The following VWA3B variants were observed in gnomAD, a reference collection of about 807,000 sequenced individuals.
VWA3B encodes von Willebrand factor A domain containing 3B.
In VWA3B, 138 loss-of-function variants were observed where a neutral mutation model predicts 158.3. The ratio of observed to expected loss-of-function variants is 0.87; its 90% CI spans 0.76 to 1.00. The LOEUF (loss-of-function observed/expected upper bound fraction) is 1.00. VWA3B is among the 50% of genes least tolerant of loss of function. The pLI, the probability that VWA3B is intolerant of heterozygous loss-of-function variation, is 0.00. For missense variants in VWA3B, 1,555 were observed against 1,565.1 expected, an observed-to-expected ratio of 0.99 and a Z score of 0.11; for synonymous variants, 596 against 587.3, an observed-to-expected ratio of 1.01 and a Z score of -0.21.
At chr2:98,088,051 C>T (rs1278599877) in intron 1 of VWA3B, among the ~76,000 whole-genome samples, 1 of 152,134 alleles carries the variant, frequency 6.6e-6, no homozygotes, top group Non-Finnish European at 1.5e-5. Flanking sequence ...ATGATCACAG[C>T]CAAGCCTTGT....
At position 98,275,032 on chromosome 2, in the gene VWA3B, C is replaced by T. The variant is rs148920247; in HGVS notation, c.3045+4149C>T. Among the ~76,000 whole-genome samples, 156 of 152,330 alleles carry T rather than the reference C, an allele frequency of 1.0e-3. No homozygotes were observed. The Middle Eastern group carries it at 0.02, about 20-fold the overall frequency. On this transcript the variant is annotated intron_variant, in intron 22 of 27. Coordinates refer to ENST00000477737, the MANE Select transcript of VWA3B (RefSeq NM_144992.5). ...ATCCCATCACATGTCATCCTCTAACCGTCTGCCACGTGTTTGTTTATTTTG... is the reference window on the plus strand; with the variant it reads ...ATCCCATCACATGTCATCCTCTAACTGTCTGCCACGTGTTTGTTTATTTTG...
downstream of VWA3B, among the ~76,000 whole-genome samples, chr2:98,317,388 C>T (rs959330077): frequency 3.3e-5 from 5 of 152,144 alleles, no homozygotes; most frequent in South Asian, 2.1e-4. Flanking sequence ...TAAAGTTTAA[C>T]GTGAAAGACT....
chr2:98,290,736 A>C (rs1045228576), intron 23 of VWA3B, 114 bp downstream of exon 23: 2 of 733,780 alleles, frequency 2.7e-6, no homozygotes. Flanking sequence ...AGCTGGCCTG[A>C]GCTAGTCCAC....
At chr2:98,188,768 G>C (rs985840308) in intron 10 of VWA3B, among the ~76,000 whole-genome samples, 3 of 152,172 alleles carry the variant, frequency 2.0e-5, no homozygotes, top group Non-Finnish European at 4.4e-5. Context: ...GTTAAGTCAA[G>C]GTTGCCATCT....
At chr2:98,134,962 A>G (rs1676147584) in intron 7 of VWA3B, among the ~76,000 whole-genome samples, 1 of 152,070 alleles carries the variant, frequency 6.6e-6, no homozygotes, top group Non-Finnish European at 1.5e-5. Context: ...GCACTACTTC[A>G]CGTAATGGAA....
intron 13 of VWA3B, among the ~76,000 whole-genome samples, chr2:98,215,449 A>C (rs1176545255): frequency 1.3e-5 from 2 of 148,468 alleles, no homozygotes; most frequent in Non-Finnish European, 2.9e-5. Context: ...TAAAAAAAAA[A>C]ACAAAAAACA....
chr2:98,135,976 G>A (rs936483170), intron 7 of VWA3B, among the ~76,000 whole-genome samples: 2 of 151,962 alleles, frequency 1.3e-5, no homozygotes, highest in African/African-American at 2.4e-5. Context: ...CCACCCTCTC[G>A]TTTGGTGGGG....
chr2:98,189,694 T>C (rs750740323), intron 10 of VWA3B, among the ~76,000 whole-genome samples: 2 of 152,316 alleles, frequency 1.3e-5, no homozygotes, highest in African/African-American at 4.8e-5. Flanking sequence ...CTGTAGTCTT[T>C]AATTCTCATT....
chr2:98,154,852 C>T (rs1003247499), intron 7 of VWA3B, among the ~76,000 whole-genome samples: 3 of 152,150 alleles, frequency 2.0e-5, no homozygotes, highest in African/African-American at 4.8e-5. Flanking sequence ...GTGACAGATC[C>T]GTTTCACATT....
chr2:98,110,462 T>C (rs1157117758), intron 2 of VWA3B, among the ~76,000 whole-genome samples: 2 of 152,238 alleles, frequency 1.3e-5, no homozygotes, highest in Non-Finnish European at 2.9e-5. Flanking sequence ...TGCTTTAAAA[T>C]CCTTGTTAGG....
intron 23 of VWA3B, among the ~76,000 whole-genome samples, chr2:98,295,769 T>C (rs1303468580): frequency 6.6e-6 from 1 of 152,178 alleles, no homozygotes; most frequent in African/African-American, 2.4e-5. Context: ...AGCCAAAAAT[T>C]GGAGCTGATC....
At chr2:98,322,564 G>A in the VWA3B span, among the ~76,000 whole-genome samples, 3 of 152,184 alleles carry the variant, frequency 2.0e-5, no homozygotes, top group Non-Finnish European at 2.9e-5. Flanking sequence ...AACTAGAGAG[G>A]AATCTACTGT....
Position 98,238,503 on chromosome 2 carries a change from T to C in VWA3B, c.2673+1773T>C, listed in dbSNP as rs192228825. ...ATATTTAGTGAACTCTACTTAGAAA[T>C]AGAATTTTCTTGGGCTTATTATGCC... On this transcript the variant is annotated intron_variant, in intron 19 of 27. Coordinates refer to ENST00000477737, the MANE Select transcript of VWA3B (RefSeq NM_144992.5). Among the ~76,000 whole-genome samples, 4 of 152,234 alleles carry C rather than the reference T, an allele frequency of 2.6e-5. No homozygotes were observed. In the East Asian group the frequency reaches 5.8e-4, roughly 22 times the overall value.
intron 16 of VWA3B, among the ~76,000 whole-genome samples, chr2:98,233,821 C>G (rs1361593672): frequency 6.6e-6 from 1 of 152,130 alleles, no homozygotes; most frequent in Non-Finnish European, 1.5e-5. Context: ...TGACATAAAG[C>G]CTTGGAACTA....
chr2:98,219,865 T>A (rs544510179), intron 14 of VWA3B, among the ~76,000 whole-genome samples: 9 of 152,198 alleles, frequency 5.9e-5, no homozygotes, highest in African/African-American at 1.9e-4. Flanking sequence ...ATAGACTTTT[T>A]AAGATATATA....
At chr2:98,185,434 G>A (rs1489213099) in intron 9 of VWA3B, among the ~76,000 whole-genome samples, 1 of 152,190 alleles carries the variant, frequency 6.6e-6, no homozygotes, top group Non-Finnish European at 1.5e-5. Context: ...GGCAGAAACT[G>A]GAGAAAAACA....
At chr2:98,141,311 C>T (rs1381979292) in intron 7 of VWA3B, among the ~76,000 whole-genome samples, 1 of 152,196 alleles carries the variant, frequency 6.6e-6, no homozygotes, top group Non-Finnish European at 1.5e-5. Context: ...TTATTAGGCT[C>T]AGCGTTCTGC....
chr2:98,297,827 A>G, intron 23 of VWA3B, 80 bp from the exon 24 acceptor site: 2 of 1,405,596 alleles, frequency 1.4e-6, no homozygotes, highest in Non-Finnish European at 9.3e-7. Context: ...ATAACTCAGC[A>G]TGGCCAGAAA....
chr2:98,177,262 A>G (rs999672723), intron 8 of VWA3B, among the ~76,000 whole-genome samples: 1 of 152,194 alleles, frequency 6.6e-6, no homozygotes, highest in South Asian at 2.1e-4. Context: ...GGGCTGGTCA[A>G]TTCTGTGGCA....
Sources: gnomAD v4.1 joint callset for allele counts (sites outside exome capture counted in the v4.1 genomes callset) on GRCh38, gnomAD v4.1.1 for gene constraint, MANE v1.5 for transcripts, NCBI Gene and HGNC (gene_info 2026-07-23, HGNC 2026-07-21) for gene names.